The following RNGTT variants were observed in gnomAD, a reference collection of about 807,000 sequenced individuals.
RNGTT encodes the protein RNA guanylyltransferase and 5'-phosphatase.
Under a neutral mutation model 79.3 loss-of-function variants are expected in RNGTT, and 33 were observed. The ratio of observed to expected loss-of-function variants is 0.42; its 90% CI spans 0.32 to 0.56. The LOEUF is 0.56. Ranked by LOEUF, RNGTT falls within the 20% of genes least tolerant of loss-of-function variation. RNGTT has a pLI of 0.17. For missense variants in RNGTT, 497 were observed against 739.1 expected, an observed-to-expected ratio of 0.67 and a Z score of 3.80; for synonymous variants, 222 against 235.9, an observed-to-expected ratio of 0.94 and a Z score of 0.54.
chr6:88,799,563 G>A (rs1397970234), intron 12 of RNGTT, among the ~76,000 whole-genome samples: 1 of 151,996 alleles, frequency 6.6e-6, no homozygotes, highest in Non-Finnish European at 1.5e-5. Flanking sequence ...AGCCGGGCAT[G>A]GTGGTGCGCA....
intron 1 of RNGTT, among the ~76,000 whole-genome samples, chr6:88,954,659 A>C (rs1393801941): frequency 6.6e-6 from 1 of 151,874 alleles, no homozygotes; most frequent in Admixed American, 6.6e-5. Context: ...AGTCTCAATA[A>C]ATTTAAGATA....
chr6:88,709,305 CAA>C (rs34297987), intron 13 of RNGTT, among the ~76,000 whole-genome samples: 2 of 138,694 alleles, frequency 1.4e-5, no homozygotes, highest in African/African-American at 2.6e-5. Context: ...ACTCAGTCTT[CAA>C]AAAAAAAAAA....
chr6:88,909,460 C>T (rs1323745603), intron 4 of RNGTT, among the ~76,000 whole-genome samples: 3 of 152,198 alleles, frequency 2.0e-5, no homozygotes. Context: ...ACCCCACAAC[C>T]CACTCTTACT....
At chr6:88,843,719 C>T (rs1188521299) in intron 11 of RNGTT, among the ~76,000 whole-genome samples, 7 of 151,096 alleles carry the variant, frequency 4.6e-5, no homozygotes, top group African/African-American at 9.7e-5. Flanking sequence ...CCGCCACACC[C>T]GGCTAATTTT....
chr6:88,675,082 A>T (rs1774813768), intron 14 of RNGTT, among the ~76,000 whole-genome samples: 1 of 149,918 alleles, frequency 6.7e-6, no homozygotes, highest in South Asian at 2.1e-4. Flanking sequence ...TGGGTGACAG[A>T]GTGAGACTCC....
chr6:88,699,467 T>C (rs1241298742), intron 13 of RNGTT, among the ~76,000 whole-genome samples: 1 of 152,108 alleles, frequency 6.6e-6, no homozygotes, highest in African/African-American at 2.4e-5. Context: ...AGAAGATTGC[T>C]TGAGGCCAGG....
At chr6:88,786,035 T>C (rs1316134919) in intron 12 of RNGTT, among the ~76,000 whole-genome samples, 2 of 152,124 alleles carry the variant, frequency 1.3e-5, no homozygotes, top group African/African-American at 4.8e-5. Flanking sequence ...AACAATTATG[T>C]TTTACTAACC....
At chr6:88,617,255 G>A (rs547472769) in intron 14 of RNGTT, among the ~76,000 whole-genome samples, 91 of 152,294 alleles carry the variant, frequency 6.0e-4, no homozygotes, top group African/African-American at 2.1e-3. Context: ...GGGCAAGAGA[G>A]GGAGACTCCA....
chr6:88,909,528 C>T (rs1250022515), intron 4 of RNGTT, among the ~76,000 whole-genome samples: 1 of 152,154 alleles, frequency 6.6e-6, no homozygotes, highest in Non-Finnish European at 1.5e-5. Flanking sequence ...GGTGGCCTAA[C>T]CCTTGGCTTG....
At chr6:88,801,505 T>G in intron 12 of RNGTT, 59 bp downstream of exon 12, 1 of 1,324,132 alleles carries the variant, frequency 7.6e-7, no homozygotes, top group Non-Finnish European at 1.1e-6. Context: ...TATGTATATC[T>G]GTGTACACAC....
intron 6 of RNGTT, among the ~76,000 whole-genome samples, chr6:88,901,733 TC>T (rs1225337498): frequency 6.6e-6 from 1 of 152,000 alleles, no homozygotes; most frequent in African/African-American, 2.4e-5. Context: ...GGTCTCGAAC[TC>T]CTGACCTCGT....
intron 13 of RNGTT, among the ~76,000 whole-genome samples, chr6:88,723,620 A>C (rs1776779832): frequency 6.6e-6 from 1 of 152,248 alleles, no homozygotes; most frequent in Non-Finnish European, 1.5e-5. Flanking sequence ...AAAATTGAAA[A>C]ATTAAAAAGC....
chr6:88,644,145 C>T (rs1394582126), intron 14 of RNGTT, among the ~76,000 whole-genome samples: 2 of 151,098 alleles, frequency 1.3e-5, no homozygotes, highest in African/African-American at 4.9e-5. Flanking sequence ...ATCAAATAGA[C>T]ACAATAAAAA....
At chr6:88,718,064 C>T (rs1776580747) in intron 13 of RNGTT, among the ~76,000 whole-genome samples, 1 of 152,098 alleles carries the variant, frequency 6.6e-6, no homozygotes, top group Non-Finnish European at 1.5e-5. Context: ...GAGTGTATTA[C>T]AGAAATTCAC....
At chr6:88,834,118 GCTCTCATATTTAGCAAACATAGAAAATT>G (rs1780980287) in intron 11 of RNGTT, among the ~76,000 whole-genome samples, 2 of 152,084 alleles carry the variant, frequency 1.3e-5, no homozygotes, top group African/African-American at 4.8e-5. Flanking sequence ...AAAAAAATTA[GCTCTCATATTTAGCAAACATAGAAAATT>G]CTCCATGTTA....
chr6:88,678,094 T>C lies in RNGTT; in HGVS notation c.1506+259A>G, dbSNP rs148277771. 639 of 368,108 alleles carry C rather than the reference T, an allele frequency of 1.7e-3. 3 individuals carry two copies. The highest frequency in any genetic ancestry group is 2.4e-3 in the Non-Finnish European group (588 of 243,710). The allele number at this position is 368,108 out of a possible 1,614,324, so 22.8% of individuals were successfully genotyped here. On this transcript the variant is annotated intron_variant, in intron 14 of 15. Coordinates refer to ENST00000369485, the MANE Select transcript of RNGTT (RefSeq NM_003800.5). Reference sequence around the variant, plus strand: ...TCAAACTCATGGGGCTTAAGTGATCTTCCCACCTCAGCCTCCAGAGTAGCT... The same window carrying C: ...TCAAACTCATGGGGCTTAAGTGATCCTCCCACCTCAGCCTCCAGAGTAGCT...
intron 12 of RNGTT, among the ~76,000 whole-genome samples, chr6:88,797,091 G>C (rs1779625163): frequency 6.6e-6 from 1 of 151,882 alleles, no homozygotes; most frequent in Admixed American, 6.6e-5. Context: ...AAAATTGCTG[G>C]GTAACATGAC....
At chr6:88,838,519 T>C (rs1378133986) in intron 11 of RNGTT, among the ~76,000 whole-genome samples, 20 of 152,140 alleles carry the variant, frequency 1.3e-4, no homozygotes. Context: ...AAGACTTTTA[T>C]GACAATATCA....
At chr6:88,857,414 C>G (rs1202551131) in intron 8 of RNGTT, among the ~76,000 whole-genome samples, 1 of 151,998 alleles carries the variant, frequency 6.6e-6, no homozygotes, top group East Asian at 1.9e-4. Flanking sequence ...CTATTTTGTT[C>G]CTTCTCACAG....
Sources: allele counts gnomAD v4.1 joint callset (sites outside exome capture counted in the v4.1 genomes callset), GRCh38; gene constraint gnomAD v4.1.1; transcripts MANE v1.5; gene names NCBI Gene and HGNC (gene_info 2026-07-23, HGNC 2026-07-21).